The following SVIL variants were observed in gnomAD, a reference collection of about 807,000 sequenced individuals.
SVIL encodes the protein archvillin.
SVIL carries 101 observed loss-of-function variants against 240.4 expected under a neutral mutation model. That is an observed-to-expected ratio of 0.42 (90% CI 0.36 to 0.50). The LOEUF (loss-of-function observed/expected upper bound fraction) is 0.50. Ranked by LOEUF, SVIL falls within the 20% of genes least tolerant of loss-of-function variation. The pLI is 0.01. For missense variants in SVIL, 2,512 were observed against 2,818.7 expected (o/e 0.89, Z 2.46); for synonymous variants, 999 against 1,100.0 (o/e 0.91, Z 1.82).
chr10:29,578,644 C>T (rs1387903956), intron 1 of SVIL, among the ~76,000 whole-genome samples: 3 of 152,342 alleles, frequency 2.0e-5, no homozygotes, highest in Middle Eastern at 6.8e-3. Context: ...TGCTCAAAAG[C>T]CTTTATTGTC....
chr10:29,679,247 G>A (rs1034887850), intron 2 of SVIL, among the ~76,000 whole-genome samples: 1 of 152,130 alleles, frequency 6.6e-6, no homozygotes, highest in African/African-American at 2.4e-5. Flanking sequence ...TGGGTTTAGA[G>A]CTGCTTGTAG....
intron 2 of SVIL, among the ~76,000 whole-genome samples, chr10:29,662,698 G>C (rs10826674): frequency 0.18 from 26,848 of 152,162 alleles, 2,562 homozygotes; most frequent in South Asian, 0.37. Context: ...CATGTGTGAG[G>C]CAAGTTAGAA....
intron 3 of SVIL, among the ~76,000 whole-genome samples, chr10:29,651,618 T>TTCTCTCTC (rs9299622): frequency 0.13 from 17,769 of 135,158 alleles, 1,347 homozygotes; most frequent in African/African-American, 0.16. Context: ...GCCACATGCA[T>TTCTCTCTC]TCTCTCTCTC....
At chr10:29,517,548 G>C (rs1397347190) in intron 16 of SVIL, among the ~76,000 whole-genome samples, 1 of 152,234 alleles carries the variant, frequency 6.6e-6, no homozygotes, top group African/African-American at 2.4e-5. Flanking sequence ...CCCAGCTACA[G>C]GGTAAGAACC....
chr10:29,533,314 C>T lies in SVIL; in HGVS notation c.1053G>A (p.Arg351=). 6.2e-7 allele frequency: 1 copy of T among 1,613,870 alleles called. No homozygotes were observed. The highest frequency in any genetic ancestry group is 1.3e-5 in the African/African-American group (1 of 74,928). Residue 351 remains arginine (R), a synonymous_variant, in exon 8 of 38, where the codon AGG becomes AGA. Coordinates refer to ENST00000355867, the MANE Select transcript of SVIL (RefSeq NM_021738.3). ...SFQSEHSAFD[R]VPSKAAGSTR... ...TAGAGCCTGCTGCCTTGCTGGGGAC[C>T]CTATCAAAGGCTGAGTGCTCAGACT...
chr10:29,508,166 A>C, intron 17 of SVIL: 1 of 338,908 alleles, frequency 3.0e-6, no homozygotes, highest in Non-Finnish European at 5.8e-6. Context: ...CATGATTAAA[A>C]AATAGTTTAA....
intron 1 of SVIL, among the ~76,000 whole-genome samples, chr10:29,707,345 G>A (rs966374741): frequency 2.0e-5 from 3 of 152,162 alleles, no homozygotes; most frequent in Non-Finnish European, 2.9e-5. Flanking sequence ...TCCTTGAAGA[G>A]GTCCTTCACA....
rs954333565 is a variant in SVIL at position 29,597,599 on chromosome 10, C to T, written c.-200-28287G>A. ...ATTTTTAGTAGAGACGGGTTTTTGC[C>T]ATGTTGGCCAGGCTGGTCTCGAACT... is the stretch of plus-strand genomic sequence containing the variant. On this transcript the variant is annotated intron_variant, in intron 1 of 37. Transcript: ENST00000355867. Among the ~76,000 whole-genome samples, 5 of 151,934 alleles carry T rather than the reference C, an allele frequency of 3.3e-5. No individual in the cohort carries two copies. In the South Asian group the frequency reaches 1.0e-3, roughly 31 times the overall value.
intron 17 of SVIL, among the ~76,000 whole-genome samples, chr10:29,511,936 T>C (rs1949870719): frequency 6.6e-6 from 1 of 152,236 alleles, no homozygotes; most frequent in Admixed American, 6.5e-5. Context: ...GGCCTGGGGA[T>C]CATCGGGTTG....
chr10:29,610,077 C>T (rs999925351), intron 1 of SVIL, among the ~76,000 whole-genome samples: 1 of 152,194 alleles, frequency 6.6e-6, no homozygotes, highest in African/African-American at 2.4e-5. Flanking sequence ...AGAGCAACCC[C>T]TCACCCTTTT....
In SVIL at chr10:29,484,915, G is replaced by C; in HGVS notation, c.4780-84C>G. ...GGTGCAACAGGGTCTCTTGTTGACA[G>C]TGAGTCAAACGGAGGAAGACAGAAA... On this transcript the variant is annotated intron_variant, in intron 26 of 37. Transcript: ENST00000355867. This position sits in a 1 kb window ranked among gnomAD's most constrained non-coding sequence, Gnocchi z 4.7. 7.1e-7 allele frequency: 1 copy of C among 1,404,982 alleles called. No homozygotes were observed. The highest frequency in any genetic ancestry group is 9.6e-7 in the Non-Finnish European group (1 of 1,036,874). 87.0% of individuals were successfully genotyped at this position (1,404,982 alleles called of 1,614,324 possible).
chr10:29,571,953 C>G (rs76831211), intron 1 of SVIL, among the ~76,000 whole-genome samples: 9,252 of 152,172 alleles, frequency 0.061, 347 homozygotes, highest in Admixed American at 0.12. Flanking sequence ...CTCTGAGTTA[C>G]TCTTTGTATC....
chr10:29,585,601 G>A (rs1238837520), intron 1 of SVIL, among the ~76,000 whole-genome samples: 1 of 152,192 alleles, frequency 6.6e-6, no homozygotes, highest in Non-Finnish European at 1.5e-5. Context: ...GCTCAAAAGA[G>A]ACACCAGCAG....
chr10:29,486,619 A>T, intron 24 of SVIL, 62 bp from the exon 25 acceptor site: 16 of 1,597,192 alleles, frequency 1.0e-5, no homozygotes, highest in Admixed American at 1.7e-5. Flanking sequence ...AGAGTGGCAC[A>T]TGTCAAAACC....
intron 1 of SVIL, among the ~76,000 whole-genome samples, chr10:29,727,778 A>G (rs1215085729): frequency 1.3e-5 from 2 of 152,108 alleles, no homozygotes; most frequent in Middle Eastern, 3.4e-3. Flanking sequence ...AAAAAGAGCA[A>G]TATTTTTATA....
chr10:29,512,517 A>AGT (rs1949911110), intron 17 of SVIL, among the ~76,000 whole-genome samples: 1 of 152,142 alleles, frequency 6.6e-6, no homozygotes, highest in Admixed American at 6.5e-5. Flanking sequence ...TTGCTGACAT[A>AGT]GTGTGTGTGT....
intron 17 of SVIL, among the ~76,000 whole-genome samples, chr10:29,507,074 G>A (rs1338217885): frequency 6.6e-6 from 1 of 152,124 alleles, no homozygotes; most frequent in African/African-American, 2.4e-5. Context: ...GTTCAGAGAG[G>A]CTACAGTGAG....
rs796497159 is a variant in SVIL, at chr10:29,668,531, T to C, written c.-300-10463A>G. Among the ~76,000 whole-genome samples, 3 of 152,332 alleles carry C rather than the reference T, an allele frequency of 2.0e-5. No homozygotes were observed. The South Asian group carries it at 6.2e-4, about 32-fold the overall frequency. ...CTCTGTTGCCCAGGCTGGAGTGCAA[T>C]GGCGCCATCTCAGCTCACTGCAACC... On this transcript the variant is annotated intron_variant, in intron 2 of 35. Transcript: ENST00000375400.
chr10:29,691,395 T>A (rs1423683603), intron 1 of SVIL, among the ~76,000 whole-genome samples: 2 of 152,044 alleles, frequency 1.3e-5, no homozygotes, highest in South Asian at 2.1e-4. Flanking sequence ...GTATTTTTAG[T>A]AGAGACGGTG....
Sources: allele counts gnomAD v4.1 joint callset (sites outside exome capture counted in the v4.1 genomes callset), GRCh38; gene constraint gnomAD v4.1.1; non-coding constraint Gnocchi (gnomAD v3.1); transcripts MANE v1.5; gene names NCBI Gene and HGNC (gene_info 2026-07-23, HGNC 2026-07-21).